Variants in PAX2 observed in about 807,000 individuals in gnomAD.
PAX2 encodes the protein paired box 2.
A neutral mutation model predicts 41.7 loss-of-function variants in PAX2; 9 were observed. The ratio of observed to expected loss-of-function variants is 0.22; its 90% CI spans 0.13 to 0.38. The LOEUF is 0.38. Among genes scored for constraint, PAX2 ranks in the 10% least tolerant of loss-of-function variants. The pLI, the probability that PAX2 is intolerant of heterozygous loss-of-function variation, is 1.00. For missense variants in PAX2, 418 were observed against 531.6 expected, an observed-to-expected ratio of 0.79 and a Z score of 2.10; for synonymous variants, 221 against 212.7, an observed-to-expected ratio of 1.04 and a Z score of -0.34.
chr10:100,809,923 A>T (rs912361140), intron 7 of PAX2, among the ~76,000 whole-genome samples: 1 of 152,230 alleles, frequency 6.6e-6, no homozygotes, highest in Non-Finnish European at 1.5e-5. Context: ...GGGGAGGTGG[A>T]GTCCAGGGAA....
chr10:100,799,577 C>A (rs1363702225), intron 5 of PAX2, among the ~76,000 whole-genome samples: 1 of 152,140 alleles, frequency 6.6e-6, no homozygotes, highest in Non-Finnish European at 1.5e-5. Flanking sequence ...GAGTTCACAT[C>A]CAGGCTCTGC....
intron 3 of PAX2, among the ~76,000 whole-genome samples, chr10:100,775,665 C>G (rs757048946): frequency 2.0e-5 from 3 of 152,170 alleles, no homozygotes; most frequent in Non-Finnish European, 2.9e-5. Context: ...TCAGCCAGCC[C>G]CACCCCTGGG....
chr10:100,750,240 G>A lies in PAX2; in HGVS notation c.212+326G>A, dbSNP rs1189632978. Among the ~76,000 whole-genome samples, 1 of 152,086 alleles carries A rather than the reference G, an allele frequency of 6.6e-6. No homozygotes were observed. Among genetic ancestry groups the A allele is most frequent in the Non-Finnish European group, 1.5e-5 (1 of 68,020 alleles). On this transcript the variant is annotated intron_variant, in intron 2 of 9. Coordinates refer to ENST00000355243, the MANE Select transcript of PAX2 (RefSeq NM_000278.5). The surrounding 1 kb of genome is among the most constrained non-coding windows in gnomAD (Gnocchi z 4.1). ...GGGGTGGGAGACATTAGAGGAATGG[G>A]GGGGGAGTGAAAATGGGTCCCCGAG...
At chr10:100,766,529 C>G (rs1441204126) in intron 3 of PAX2, among the ~76,000 whole-genome samples, 1 of 152,216 alleles carries the variant, frequency 6.6e-6, no homozygotes, top group Non-Finnish European at 1.5e-5. Context: ...GATCTAGACT[C>G]TCAATTGGCA....
chr10:100,794,083 G>C (rs1847236136), intron 5 of PAX2, among the ~76,000 whole-genome samples: 1 of 152,212 alleles, frequency 6.6e-6, no homozygotes, highest in Admixed American at 6.5e-5. Context: ...ATGGTGACAA[G>C]GCAGAGTGTC....
chr10:100,804,772 T>C (rs1283810603), intron 5 of PAX2, among the ~76,000 whole-genome samples: 1 of 152,218 alleles, frequency 6.6e-6, no homozygotes, highest in Non-Finnish European at 1.5e-5. Flanking sequence ...AAAATAAATT[T>C]ACCACACTTC....
At chr10:100,787,087 G>C in intron 5 of PAX2, 1 of 804,612 alleles carries the variant, frequency 1.2e-6, no homozygotes, top group East Asian at 4.8e-5. Flanking sequence ...AACATTCAGA[G>C]AGTGGGTTCC....
intron 3 of PAX2, among the ~76,000 whole-genome samples, chr10:100,765,832 A>G (rs185112028): frequency 1.3e-3 from 205 of 152,292 alleles, no homozygotes; most frequent in African/African-American, 4.7e-3. Context: ...TTAGGATTTT[A>G]TGTACACTAG....
At position 100,750,690 on chromosome 10, in the gene PAX2, G is replaced by A. The variant is rs750607196; in HGVS notation, c.213-4G>A. ...GGCTGACCCCGCCGGCTTTCCCGGC[G>A]CAGGTACTACGAGACCGGCAGCATC... On this transcript the variant is annotated splice_region_variant and splice_polypyrimidine_tract_variant and intron_variant, in intron 2 of 9. Transcript: ENST00000355243. The surrounding 1 kb of genome is among the most constrained non-coding windows in gnomAD (Gnocchi z 4.1). The A allele has an allele frequency of 1.9e-6, 3 of 1,613,784 alleles. No homozygotes were observed. Among genetic ancestry groups the A allele is most frequent in the Non-Finnish European group, 1.7e-6 (2 of 1,179,808 alleles).
intron 3 of PAX2, among the ~76,000 whole-genome samples, chr10:100,751,266 C>A (rs1400957991): frequency 6.6e-6 from 1 of 152,192 alleles, no homozygotes; most frequent in African/African-American, 2.4e-5. Context: ...AACAGACTGG[C>A]CTTTCTAAAG....
At chr10:100,799,397 T>C (rs1847459486) in intron 5 of PAX2, among the ~76,000 whole-genome samples, 1 of 152,260 alleles carries the variant, frequency 6.6e-6, no homozygotes, top group East Asian at 1.9e-4. Context: ...GTTTGTAAAA[T>C]TGAACTAACA....
At chr10:100,788,352 T>C in intron 5 of PAX2, among the ~76,000 whole-genome samples, 1 of 152,052 alleles carries the variant, frequency 6.6e-6, no homozygotes, top group East Asian at 1.9e-4. Context: ...GTCACCAAGC[T>C]CTCTTCCCGG....
chr10:100,800,386 C>T (rs1439022877), intron 5 of PAX2, among the ~76,000 whole-genome samples: 1 of 151,054 alleles, frequency 6.6e-6, no homozygotes, highest in Non-Finnish European at 1.5e-5. Context: ...TTAAGCAATA[C>T]TCCCGCCTCA....
Position 100,824,037 on chromosome 10 carries a change from A to G in PAX2, c.920-611A>G, listed in dbSNP as rs1848456175. Among the ~76,000 whole-genome samples the G allele has an allele frequency of 6.6e-6, 1 of 152,146 alleles. No homozygotes were observed. Among genetic ancestry groups the G allele is most frequent in the African/African-American group, 2.4e-5 (1 of 41,408 alleles). On this transcript the variant is annotated intron_variant, in intron 7 of 9. Transcript: ENST00000355243. This position sits in a 1 kb window ranked among gnomAD's most constrained non-coding sequence, Gnocchi z 6.6. ...GGTGGTTTTCTATCATGTAAATGCC[A>G]TAAACACTAACAGCAAAATAGCCCA...
chr10:100,762,227 C>T (rs1845866540), intron 3 of PAX2, among the ~76,000 whole-genome samples: 2 of 151,722 alleles, frequency 1.3e-5, no homozygotes, highest in Non-Finnish European at 2.9e-5. Context: ...AACTAAGTGG[C>T]CATCAGGAAG....
chr10:100,792,693 C>T (rs893857551), intron 5 of PAX2, among the ~76,000 whole-genome samples: 4 of 152,116 alleles, frequency 2.6e-5, no homozygotes, highest in African/African-American at 4.8e-5. Flanking sequence ...CCAAGGATGG[C>T]GTTGGTCCTT....
chr10:100,779,407 T>A (rs868385559), intron 3 of PAX2, 91 bp from the exon 4 acceptor site: 2 of 1,080,392 alleles, frequency 1.9e-6, no homozygotes, highest in Middle Eastern at 2.0e-4. Flanking sequence ...GCTGAGGAAC[T>A]TGGGAGAGAG....
intron 4 of PAX2, 55 bp from the exon 5 acceptor site, chr10:100,781,191 G>C: frequency 6.2e-7 from 1 of 1,604,758 alleles, no homozygotes; most frequent in South Asian, 1.1e-5. Context: ...TTTGGCCTAC[G>C]ATCACAACTG....
At chr10:100,754,568 T>A (rs1001106061) in intron 3 of PAX2, among the ~76,000 whole-genome samples, 10 of 152,218 alleles carry the variant, frequency 6.6e-5, no homozygotes, top group African/African-American at 2.4e-4. Context: ...TTCCATCCTG[T>A]ATCATTTGGG....
Sources: allele counts gnomAD v4.1 joint callset (sites outside exome capture counted in the v4.1 genomes callset), GRCh38; gene constraint gnomAD v4.1.1; non-coding constraint Gnocchi (gnomAD v3.1); transcripts MANE v1.5; gene names NCBI Gene and HGNC (gene_info 2026-07-23, HGNC 2026-07-21).